The following GPC6 variants were observed in gnomAD, a reference collection of about 807,000 sequenced individuals.
GPC6 encodes the protein glypican 6.
Under a neutral mutation model 55.2 loss-of-function variants are expected in GPC6, and 14 were observed. The observed-to-expected ratio is 0.25, with a 90% CI of 0.17 to 0.40. The LOEUF (loss-of-function observed/expected upper bound fraction) is 0.40. GPC6 is among the 10% of genes least tolerant of loss of function. The probability of loss-of-function intolerance (pLI) is 1.00; values close to 1 mark genes in which losing one functional copy is unlikely to be tolerated. For synonymous variants in GPC6, 278 were observed against 259.6 expected, an observed-to-expected ratio of 1.07 and a Z score of -0.68; for missense variants, 641 against 708.5, an observed-to-expected ratio of 0.90 and a Z score of 1.08.
intron 1 of GPC6, among the ~76,000 whole-genome samples, chr13:93,321,050 T>TGGA (rs1879420753): frequency 6.6e-6 from 1 of 152,180 alleles, no homozygotes; most frequent in African/African-American, 2.4e-5. Context: ...GGTCAGCATC[T>TGGA]AGTCTATCAA....
chr13:94,166,298 A>C (rs1464253026), intron 4 of GPC6, among the ~76,000 whole-genome samples: 1 of 152,230 alleles, frequency 6.6e-6, no homozygotes, highest in Non-Finnish European at 1.5e-5. Flanking sequence ...TAAATTCAGA[A>C]TTTTAAAAAA....
chr13:93,750,310 T>C (rs922854716), intron 2 of GPC6, among the ~76,000 whole-genome samples: 10 of 152,192 alleles, frequency 6.6e-5, no homozygotes, highest in Non-Finnish European at 1.3e-4. Context: ...CAAACTAGAA[T>C]ACAAGGAGCT....
At chr13:93,779,252 C>T (rs1693690306) in intron 2 of GPC6, among the ~76,000 whole-genome samples, 2 of 152,166 alleles carry the variant, frequency 1.3e-5, no homozygotes, top group Admixed American at 1.3e-4. Context: ...GAGCTGAATA[C>T]ACTGGACTGA....
chr13:93,813,541 GATT>G (rs1886762114), intron 2 of GPC6, among the ~76,000 whole-genome samples: 1 of 152,070 alleles, frequency 6.6e-6, no homozygotes, highest in Non-Finnish European at 1.5e-5. Flanking sequence ...AGATACAATT[GATT>G]ATAATTGTTT....
chr13:94,040,403 T>C (rs2138738538), intron 4 of GPC6, among the ~76,000 whole-genome samples: 1 of 151,972 alleles, frequency 6.6e-6, no homozygotes, highest in South Asian at 2.1e-4. Context: ...GCTTCTGCAA[T>C]GAAACATTCG....
chr13:93,638,007 A>G (rs1879767375), intron 2 of GPC6, among the ~76,000 whole-genome samples: 1 of 152,108 alleles, frequency 6.6e-6, no homozygotes, highest in South Asian at 2.1e-4. Context: ...AAATTATAAA[A>G]ACCTAGAACT....
chr13:94,363,033 C>T lies in GPC6; in HGVS notation c.1153-19381C>T, dbSNP rs571491999. 9.2e-5 allele frequency among the ~76,000 whole-genome samples: 14 copies of T among 152,248 alleles called. No homozygotes were observed. The South Asian group carries it at 2.9e-3, about 32-fold the overall frequency. On this transcript the variant is annotated intron_variant, in intron 6 of 8. Transcript: ENST00000377047. The stretch of plus-strand genomic sequence containing the variant: ...ATTACGTATTTGTCCTAATGCTCTC[C>T]TTCCCCTTGCCCCCACCCCCCGACA...
At chr13:94,158,755 G>A (rs1315842983) in intron 4 of GPC6, among the ~76,000 whole-genome samples, 2 of 152,124 alleles carry the variant, frequency 1.3e-5, no homozygotes, top group Non-Finnish European at 2.9e-5. Flanking sequence ...TGTTAGTGAA[G>A]ATCATACAAG....
intron 1 of GPC6, among the ~76,000 whole-genome samples, chr13:93,239,575 G>A (rs527426312): frequency 5.6e-4 from 84 of 151,236 alleles, no homozygotes; most frequent in Non-Finnish European, 7.4e-4. Flanking sequence ...TTATCTTTTC[G>A]AAGAACCAAC....
chr13:93,719,040 T>A, intron 2 of GPC6, among the ~76,000 whole-genome samples: 1 of 151,980 alleles, frequency 6.6e-6, no homozygotes, highest in African/African-American at 2.4e-5. Flanking sequence ...CTGTTCTTTT[T>A]GCTTAGGACT....
chr13:94,044,592 T>C (rs1285918418), intron 4 of GPC6, among the ~76,000 whole-genome samples: 2 of 151,918 alleles, frequency 1.3e-5, no homozygotes, highest in Admixed American at 1.3e-4. Flanking sequence ...ATTGACTTAA[T>C]GAATGTGTAT....
intron 1 of GPC6, among the ~76,000 whole-genome samples, chr13:93,448,843 A>C (rs972706934): frequency 6.6e-6 from 1 of 152,228 alleles, no homozygotes; most frequent in Non-Finnish European, 1.5e-5. Context: ...TCCTGCTTTC[A>C]AACTTCCAGA....
At chr13:94,303,048 G>A (rs964803600) in intron 5 of GPC6, among the ~76,000 whole-genome samples, 3 of 152,358 alleles carry the variant, frequency 2.0e-5, no homozygotes, top group South Asian at 2.1e-4. Flanking sequence ...ATCCGGAGGG[G>A]TGGGAGTCAG....
intron 2 of GPC6, among the ~76,000 whole-genome samples, chr13:93,654,428 A>C (rs990356252): frequency 6.6e-6 from 1 of 151,468 alleles, no homozygotes; most frequent in Non-Finnish European, 1.5e-5. Flanking sequence ...CCTGGGTTCA[A>C]GCGGTTCTCC....
intron 2 of GPC6, among the ~76,000 whole-genome samples, chr13:93,590,201 T>A (rs1449879598): frequency 1.3e-5 from 2 of 152,342 alleles, no homozygotes; most frequent in East Asian, 3.9e-4. Context: ...AGGAGTTTGC[T>A]AAATAGGAGG....
chr13:93,789,598 CATATATATATATATATAT>C (rs755185604), intron 2 of GPC6, among the ~76,000 whole-genome samples: 6,489 of 67,534 alleles, frequency 0.096, 373 homozygotes, highest in Middle Eastern at 0.23. Flanking sequence ...TATAATACTA[CATATATATATATATATAT>C]ATATATATAT....
chr13:93,630,032 T>A (rs1364383521), intron 2 of GPC6, among the ~76,000 whole-genome samples: 1 of 152,188 alleles, frequency 6.6e-6, no homozygotes, highest in Non-Finnish European at 1.5e-5. Flanking sequence ...GTGATGGATG[T>A]AAAGCACACA....
chr13:94,084,987 A>C (rs906283668), intron 4 of GPC6, among the ~76,000 whole-genome samples: 5 of 152,086 alleles, frequency 3.3e-5, no homozygotes, highest in African/African-American at 1.2e-4. Context: ...TATATCATGG[A>C]TCTTATACTT....
chr13:94,113,916 G>C (rs1886335519), intron 4 of GPC6, among the ~76,000 whole-genome samples: 1 of 150,584 alleles, frequency 6.6e-6, no homozygotes, highest in Non-Finnish European at 1.5e-5. Flanking sequence ...CAGCTACTTG[G>C]AAGGCTGAGG....
Sources: allele counts gnomAD v4.1 joint callset (sites outside exome capture counted in the v4.1 genomes callset), GRCh38; gene constraint gnomAD v4.1.1; transcripts MANE v1.5; gene names NCBI Gene and HGNC (gene_info 2026-07-23, HGNC 2026-07-21).